Variants in PAN3 observed in about 807,000 individuals in gnomAD.
PAN3 encodes PAN2-PAN3 deadenylation complex subunit PAN3.
PAN3 carries 19 observed loss-of-function variants against 96.2 expected under a neutral mutation model. The ratio of observed to expected loss-of-function variants is 0.20; its 90% confidence interval spans 0.14 to 0.29. The LOEUF is 0.29. Ranked by LOEUF, PAN3 falls within the 10% of genes least tolerant of loss-of-function variation. The probability of loss-of-function intolerance (pLI) is 1.00; values close to 1 mark genes in which losing one functional copy is unlikely to be tolerated. For missense variants in PAN3, 882 were observed against 1,108.1 expected, an observed-to-expected ratio of 0.80 and a Z score of 2.90; for synonymous variants, 433 against 406.6, an observed-to-expected ratio of 1.06 and a Z score of -0.78.
chr13:28,255,928 T>C (rs931609581), intron 6 of PAN3, among the ~76,000 whole-genome samples: 2 of 152,012 alleles, frequency 1.3e-5, no homozygotes, highest in Non-Finnish European at 2.9e-5. Context: ...AAAACTTTTA[T>C]AAAAGGCATA....
In PAN3 at chr13:28,292,693, C is replaced by T. The variant is rs1468727415; in HGVS notation, c.*171C>T. 1.9e-6 allele frequency: 1 copy of T among 513,858 alleles called. No individual in the cohort carries two copies. Among genetic ancestry groups the T allele is most frequent in the East Asian group, 3.5e-5 (1 of 28,862 alleles). The allele number at this position is 513,858 out of a possible 1,614,324, so 31.8% of individuals were successfully genotyped here. A position where few individuals can be genotyped will look rare whatever the true frequency, so the allele number is the denominator to read the frequency against. ...GTTACTTGAAAGGAAGAATGTTTCA[C>T]TTACCCAAGAGCTATGGCTGCCATT... On this transcript the variant is annotated 3_prime_UTR_variant, in exon 19 of 19. Transcript: ENST00000380958.
intron 5 of PAN3, among the ~76,000 whole-genome samples, chr13:28,202,306 A>G (rs1011736432): frequency 6.6e-6 from 1 of 152,068 alleles, no homozygotes; most frequent in Admixed American, 6.5e-5. Flanking sequence ...ATCTGTCTCT[A>G]ATTCTTACTT....
intron 6 of PAN3, among the ~76,000 whole-genome samples, chr13:28,244,328 A>G (rs902934778): frequency 2.6e-5 from 4 of 152,164 alleles, no homozygotes; most frequent in African/African-American, 9.7e-5. Flanking sequence ...GAGTTATTTT[A>G]TTTTAAACTC....
chr13:28,229,891 A>G (rs1882363345), intron 6 of PAN3, among the ~76,000 whole-genome samples: 1 of 152,098 alleles, frequency 6.6e-6, no homozygotes, highest in Non-Finnish European at 1.5e-5. Flanking sequence ...ATGTGTTCCC[A>G]GGTGTTGCTG....
intron 15 of PAN3, among the ~76,000 whole-genome samples, chr13:28,279,745 C>T (rs994607575): frequency 2.7e-5 from 4 of 150,914 alleles, no homozygotes; most frequent in South Asian, 2.1e-4. Flanking sequence ...GGCAATAGAA[C>T]GAGACTCTGT....
intron 6 of PAN3, among the ~76,000 whole-genome samples, chr13:28,224,335 CTG>C (rs1881767145): frequency 6.6e-6 from 1 of 152,158 alleles, no homozygotes; most frequent in Non-Finnish European, 1.5e-5. Flanking sequence ...TTGAAAGTGA[CTG>C]TAAGTGCAGC....
Position 28,270,893 on chromosome 13 carries a change from T to A in PAN3, c.1958+27T>A. 1.9e-6 allele frequency: 3 copies of A among 1,603,762 alleles called. No homozygotes were observed. In the South Asian group the frequency reaches 3.3e-5, roughly 18 times the overall value. ...TACTAGCATTTTGAGTTTTGGTTTC[T>A]TTTATTGAGCGTCTTACCTTTGACA... On this transcript the variant is annotated intron_variant, in intron 13 of 18. Transcript: ENST00000380958.
intron 1 of PAN3, among the ~76,000 whole-genome samples, chr13:28,163,495 C>T (rs1041852781): frequency 1.3e-5 from 2 of 152,182 alleles, no homozygotes; most frequent in Non-Finnish European, 2.9e-5. Flanking sequence ...TTCCACACCA[C>T]AACCCTATGA....
At chr13:28,139,298 G>A (rs1869278438) in intron 1 of PAN3, among the ~76,000 whole-genome samples, 1 of 150,848 alleles carries the variant, frequency 6.6e-6, no homozygotes, top group East Asian at 2.0e-4. Flanking sequence ...AGCGCGGGGA[G>A]GTTGGGTTCC....
intron 4 of PAN3, among the ~76,000 whole-genome samples, chr13:28,185,302 T>C (rs576318475): frequency 6.6e-6 from 1 of 152,322 alleles, no homozygotes; most frequent in Non-Finnish European, 1.5e-5. Flanking sequence ...AATATGGTAG[T>C]TCTTATAGAG....
At chr13:28,251,640 C>G (rs967935611) in intron 6 of PAN3, among the ~76,000 whole-genome samples, 1 of 152,136 alleles carries the variant, frequency 6.6e-6, no homozygotes, top group Non-Finnish European at 1.5e-5. Flanking sequence ...CCTTTTTGTT[C>G]TATGAGCTGA....
chr13:28,186,527 A>G (rs1209690062), intron 4 of PAN3, among the ~76,000 whole-genome samples: 1 of 150,860 alleles, frequency 6.6e-6, no homozygotes, highest in South Asian at 2.1e-4. Context: ...ATAGTCTCCT[A>G]TTTATGATCT....
At chr13:28,168,639 A>G (rs1873886475) in intron 1 of PAN3, among the ~76,000 whole-genome samples, 1 of 152,064 alleles carries the variant, frequency 6.6e-6, no homozygotes, top group South Asian at 2.1e-4. Flanking sequence ...GAATTGCTTG[A>G]ACCCGGGAGG....
intron 1 of PAN3, among the ~76,000 whole-genome samples, chr13:28,142,426 C>G (rs1434848557): frequency 6.6e-6 from 1 of 151,834 alleles, no homozygotes; most frequent in South Asian, 2.1e-4. Context: ...CTTGACTTCT[C>G]AAAGTACTGG....
intron 9 of PAN3, among the ~76,000 whole-genome samples, chr13:28,265,501 T>C (rs1190634507): frequency 6.6e-6 from 1 of 152,238 alleles, no homozygotes; most frequent in Non-Finnish European, 1.5e-5. Flanking sequence ...CCTACCTTTC[T>C]CTCTCAGCTA....
Position 28,293,420 on chromosome 13 carries a change from C to CG in PAN3, c.*905dup, listed in dbSNP as rs1223035391. 9 of 24,140 alleles carry CG rather than the reference C, an allele frequency of 3.7e-4. No individual in the cohort carries two copies. Among genetic ancestry groups the CG allele is most frequent in the South Asian group, 3.0e-3 (2 of 658 alleles). 1.5% of individuals were successfully genotyped at this position (24,140 alleles called of 1,614,324 possible). A position where few individuals can be genotyped will look rare whatever the true frequency, so the allele number is the denominator to read the frequency against. On this transcript the variant is annotated 3_prime_UTR_variant, in exon 19 of 19. Transcript: ENST00000380958. ...TTTTTTTTTTTTTTTTTTTTTTGGG[C>CG]GGGGGGGAGGTTTATGAAGTTTTGC...
Position 28,138,627 on chromosome 13 carries a change from C to A in PAN3, c.-31C>A, listed in dbSNP as rs1363290713. 1 of 520,146 alleles carries A rather than the reference C, an allele frequency of 1.9e-6. No individual in the cohort carries two copies. 32.2% of individuals were successfully genotyped at this position (520,146 alleles called of 1,614,324 possible). On this transcript the variant is annotated 5_prime_UTR_variant, in exon 1 of 19. Coordinates refer to ENST00000380958, the MANE Select transcript of PAN3 (RefSeq NM_175854.8). ...GTGGTGGCGGCGGCGGCTCCTCGGG[C>A]GGCGGCGGAAGACGAGGCTGCGGCG...
At chr13:28,170,620 CTATT>C (rs1319760508) in intron 1 of PAN3, among the ~76,000 whole-genome samples, 3 of 152,096 alleles carry the variant, frequency 2.0e-5, no homozygotes, top group Non-Finnish European at 4.4e-5. Flanking sequence ...GAATTGTACT[CTATT>C]TTGGAGTAAC....
At chr13:28,142,457 ACATCTGGCCTT>A (rs1436274595) in intron 1 of PAN3, among the ~76,000 whole-genome samples, 1 of 150,924 alleles carries the variant, frequency 6.6e-6, no homozygotes, top group Non-Finnish European at 1.5e-5. Context: ...GTGAGCTACC[ACATCTGGCCTT>A]CATTGGTTAA....
Sources: allele counts gnomAD v4.1 joint callset (sites outside exome capture counted in the v4.1 genomes callset), GRCh38; gene constraint gnomAD v4.1.1; transcripts MANE v1.5; gene names NCBI Gene and HGNC (gene_info 2026-07-23, HGNC 2026-07-21).